DMD: variants seen among roughly 807,000 people sequenced by gnomAD.
DMD encodes mutant dystrophin.
A neutral mutation model predicts 330.1 loss-of-function variants in DMD; 63 were observed. The observed-to-expected ratio is 0.19, with a 90% CI of 0.16 to 0.24. The LOEUF (loss-of-function observed/expected upper bound fraction) is 0.24, where lower values mean the gene tolerates loss of function less well. Ranked by LOEUF, DMD falls within the 10% of genes least tolerant of loss-of-function variation. DMD has a pLI of 1.00. For missense variants in DMD, 3,344 were observed against 2,684.1 expected, an observed-to-expected ratio of 1.25 and a Z score of -5.43; for synonymous variants, 1,223 against 959.8, an observed-to-expected ratio of 1.27 and a Z score of -5.07.
At chrX:32,442,854 C>T (rs1329645245) in intron 27 of DMD, among the ~76,000 whole-genome samples, 2 of 110,608 alleles carry the variant, frequency 1.8e-5, no homozygotes, top group African/African-American at 6.5e-5. Context: ...ATCTCAGACA[C>T]AAATATGTTG....
chrX:32,317,655 T>C (rs2097587648), intron 41 of DMD, among the ~76,000 whole-genome samples: 1 of 111,400 alleles, frequency 9.0e-6, no homozygotes, highest in African/African-American at 3.3e-5. Context: ...GGCCCATTTA[T>C]GAGTTATGAG....
chrX:32,102,545 T>G (rs1024510060), intron 44 of DMD, among the ~76,000 whole-genome samples: 1 of 111,100 alleles, frequency 9.0e-6, no homozygotes, highest in African/African-American at 3.3e-5. Context: ...ATAAAAATAT[T>G]ATATCTATAA....
intron 2 of DMD, among the ~76,000 whole-genome samples, chrX:32,926,530 G>T (rs1000126616): frequency 9.0e-6 from 1 of 111,013 alleles, no homozygotes; most frequent in Non-Finnish European, 1.9e-5. Flanking sequence ...CGGGCGGATT[G>T]CCTGAGCTCA....
At chrX:31,967,297 GGTGTGTGTGTGTGTGTGTGTGT>G (rs746437287) in intron 45 of DMD, among the ~76,000 whole-genome samples, 35 of 74,584 alleles carry the variant, frequency 4.7e-4, no homozygotes, top group South Asian at 1.9e-3. Flanking sequence ...TTTGGCAAGG[GGTGTGTGTGTGTGTGTGTGTGT>G]GTGTGTGTGT....
intron 55 of DMD, among the ~76,000 whole-genome samples, chrX:31,569,667 T>TATATATACGTATATACGTATATAC (rs2075702602): frequency 9.9e-6 from 1 of 101,364 alleles, no homozygotes; most frequent in African/African-American, 3.6e-5. Context: ...TACGTATATA[T>TATATATACGTATATACGTATATAC]ACGTATATAT....
At chrX:33,163,546 A>G (rs868623772) in intron 1 of DMD, among the ~76,000 whole-genome samples, 1 of 97,563 alleles carries the variant, frequency 1.0e-5, no homozygotes, top group Non-Finnish European at 2.0e-5. Context: ...AAAAATATAT[A>G]TGTGTGTATA....
intron 1 of DMD, among the ~76,000 whole-genome samples, chrX:33,328,185 G>A (rs1260954801): frequency 3.6e-5 from 4 of 110,935 alleles, no homozygotes; most frequent in Non-Finnish European, 7.6e-5. Context: ...AGAACATATA[G>A]GTTTTTTTTG....
rs1466588955 is a variant in DMD at position 31,404,710 on chromosome X, A to T, written c.9084+39771T>A. On this transcript the variant is annotated intron_variant, in intron 60 of 78. Transcript: ENST00000357033. ...TAACTGTAGTCAGCAATTTACACTT[A>T]AATACAGAAAATGCAAAAGACACTA... Among the ~76,000 whole-genome samples, 3 of 112,137 alleles carry T rather than the reference A, an allele frequency of 2.7e-5. No individual in the cohort carries two copies. The East Asian group carries it at 8.4e-4, about 31-fold the overall frequency.
At chrX:32,902,207 G>C (rs1024721229) in intron 2 of DMD, among the ~76,000 whole-genome samples, 8 of 85,307 alleles carry the variant, frequency 9.4e-5, no homozygotes, top group Non-Finnish European at 1.4e-4. Flanking sequence ...GCAGAAACAT[G>C]GACATTTTCT....
chrX:31,501,947 G>C (rs2070446955), intron 56 of DMD, among the ~76,000 whole-genome samples: 1 of 111,172 alleles, frequency 9.0e-6, no homozygotes, highest in Admixed American at 9.6e-5. Context: ...GAAAAGACTA[G>C]AGAACCCAAA....
intron 2 of DMD, among the ~76,000 whole-genome samples, chrX:32,995,643 C>T (rs2093098637): frequency 8.9e-6 from 1 of 111,916 alleles, no homozygotes; most frequent in Non-Finnish European, 1.9e-5. Flanking sequence ...CTGAGATAGG[C>T]CAAGTGAAAT....
chrX:32,472,541 A>G (rs959761735), intron 21 of DMD, among the ~76,000 whole-genome samples: 2 of 111,486 alleles, frequency 1.8e-5, no homozygotes, highest in African/African-American at 3.3e-5. Context: ...TGTAAAATCT[A>G]TATTGTTCAA....
At chrX:31,965,947 A>G (rs2095347034) in intron 45 of DMD, among the ~76,000 whole-genome samples, 2 of 111,614 alleles carry the variant, frequency 1.8e-5, no homozygotes, top group African/African-American at 6.5e-5. Flanking sequence ...TATTTCTAAT[A>G]TCTTAAAATT....
intron 9 of DMD, among the ~76,000 whole-genome samples, chrX:32,687,909 A>G (rs754186782): frequency 9.0e-6 from 1 of 111,676 alleles, no homozygotes; most frequent in Admixed American, 9.5e-5. Context: ...ACTAAGGTCA[A>G]TCAGTTGTAA....
chrX:33,106,682 A>G (rs1445847798), intron 1 of DMD, among the ~76,000 whole-genome samples: 2 of 112,047 alleles, frequency 1.8e-5, no homozygotes, highest in Admixed American at 9.5e-5. Flanking sequence ...ACTGTCTTCA[A>G]TAAGCTTCCC....
At chrX:31,864,045 T>C (rs1002871481) in intron 48 of DMD, among the ~76,000 whole-genome samples, 21 of 111,484 alleles carry the variant, frequency 1.9e-4, no homozygotes, top group African/African-American at 6.5e-4. Context: ...TAAACTGTAC[T>C]ATAAACCCTT....
At chrX:32,899,103 G>C (rs1046152505) in intron 2 of DMD, among the ~76,000 whole-genome samples, 1 of 111,816 alleles carries the variant, frequency 8.9e-6, no homozygotes, top group African/African-American at 3.3e-5. Context: ...GCCAAAAATA[G>C]CTCTACATTC....
chrX:31,404,294 C>G, intron 60 of DMD, among the ~76,000 whole-genome samples: 1 of 111,569 alleles, frequency 9.0e-6, no homozygotes, highest in East Asian at 2.8e-4. Flanking sequence ...TTCATACACT[C>G]CAGACTTTCT....
At chrX:33,143,984 G>T (rs1340187001) in intron 1 of DMD, among the ~76,000 whole-genome samples, 2 of 111,447 alleles carry the variant, frequency 1.8e-5, no homozygotes, top group African/African-American at 6.5e-5. Flanking sequence ...AAATGATGAA[G>T]ATATTAGCAA....
Sources: allele counts gnomAD v4.1 joint callset (sites outside exome capture counted in the v4.1 genomes callset), GRCh38; gene constraint gnomAD v4.1.1; transcripts MANE v1.5; gene names NCBI Gene and HGNC (gene_info 2026-07-23, HGNC 2026-07-21).